The following KYNU variants were observed in gnomAD, a reference collection of about 807,000 sequenced individuals.
KYNU encodes kynureninase.
KYNU carries 54 observed loss-of-function variants against 59.2 expected under a neutral mutation model. The observed-to-expected ratio is 0.91, with a 90% confidence interval of 0.73 to 1.14. KYNU has a LOEUF of 1.14. KYNU is among the 50% of genes most tolerant of loss of function. The pLI, the probability that KYNU is intolerant of heterozygous loss-of-function variation, is 0.00. For synonymous variants in KYNU, 177 were observed against 192.0 expected, an observed-to-expected ratio of 0.92 and a Z score of 0.65; for missense variants, 567 against 554.4, an observed-to-expected ratio of 1.02 and a Z score of -0.23.
chr2:142,927,687 C>T lies in KYNU; in HGVS notation c.319C>T (p.Arg107Cys), dbSNP rs373416306. ...AGCCTATGGTCATGAAGTGGGGAAG[C>T]GTCCTTGGATTACAGGAGATGAGAG... Reference protein sequence around the residue: ...IAAYGHEVGKRPWITGDESIV... With the variant: ...IAAYGHEVGKCPWITGDESIV... The change falls in exon 4 of 14, where the codon CGT becomes TGT. Residue 107 changes from arginine to cysteine, a missense_variant. By Grantham distance (180) the Arg-to-Cys change is radical (BLOSUM62 -3). Transcript: ENST00000264170. 6.2e-6 allele frequency: 10 copies of T among 1,613,110 alleles called. No individual in the cohort carries two copies. The highest frequency in any genetic ancestry group is 1.3e-5 in the African/African-American group (1 of 74,872).
chr2:143,043,043 A>G lies in KYNU; in HGVS notation c.*871A>G, dbSNP rs150917323. 2.0e-5 allele frequency: 3 copies of G among 151,942 alleles called. No individual in the cohort carries two copies. The highest frequency in any genetic ancestry group is 4.4e-5 in the Non-Finnish European group (3 of 67,916). The allele number at this position is 151,942 out of a possible 1,614,324, so 9.4% of individuals were successfully genotyped here. On this transcript the variant is annotated 3_prime_UTR_variant, in exon 14 of 14. Coordinates refer to ENST00000264170, the MANE Select transcript of KYNU (RefSeq NM_003937.3). The stretch of plus-strand genomic sequence containing the variant: ...ATAAGAAATGTTGGAAACTCATTAT[A>G]TTGATTTCCTTACCCACTCATGGGC...
intron 10 of KYNU, among the ~76,000 whole-genome samples, chr2:143,005,530 C>T (rs1475807823): frequency 6.6e-6 from 1 of 151,840 alleles, no homozygotes; most frequent in Non-Finnish European, 1.5e-5. Context: ...AAGAAAGGCT[C>T]AGTCATATGT....
intron 10 of KYNU, among the ~76,000 whole-genome samples, chr2:142,995,912 A>T (rs574296614): frequency 1.3e-5 from 2 of 151,974 alleles, no homozygotes; most frequent in South Asian, 2.1e-4. Flanking sequence ...TCTGATTGTC[A>T]TTTTATAGGC....
At chr2:142,897,229 T>C (rs1391460851) in intron 2 of KYNU, among the ~76,000 whole-genome samples, 1 of 152,232 alleles carries the variant, frequency 6.6e-6, no homozygotes, top group Admixed American at 6.5e-5. Context: ...TGGAGTGTTC[T>C]TTAAAAGCCA....
At chr2:142,968,274 CA>C (rs1684608886) in intron 8 of KYNU, among the ~76,000 whole-genome samples, 1 of 152,078 alleles carries the variant, frequency 6.6e-6, no homozygotes, top group Non-Finnish European at 1.5e-5. Context: ...AGATCTGAGC[CA>C]ATTATAGAAT....
At position 142,981,285 on chromosome 2, in the gene KYNU, T is replaced by G. The variant is rs183083450; in HGVS notation, c.730-3799T>G. ...TGCTTTTTCTATTTCTTGAGTTTTC[T>G]TAGAAAAATTGAGTTGTAAAAACAA... On this transcript the variant is annotated intron_variant, in intron 8 of 13. Coordinates refer to ENST00000264170, the MANE Select transcript of KYNU (RefSeq NM_003937.3). Among the ~76,000 whole-genome samples, 211 of 152,248 alleles carry G rather than the reference T, an allele frequency of 1.4e-3. 1 individual carries two copies. The highest frequency in any genetic ancestry group is 2.5e-3 in the Non-Finnish European group (173 of 67,994).
In KYNU at chr2:142,927,755, A is replaced by G; in HGVS notation, c.373+14A>G. 6.4e-7 allele frequency: 1 copy of G among 1,558,438 alleles called. No individual in the cohort carries two copies. Among genetic ancestry groups the G allele is most frequent in the Non-Finnish European group, 8.9e-7 (1 of 1,129,472 alleles). Reference sequence around the variant, plus strand: ...AGGACATTGTAGGTAAGTACAAAACACTGAAGTTTTTCCAAATGAATTGTA... The same window carrying G: ...AGGACATTGTAGGTAAGTACAAAACGCTGAAGTTTTTCCAAATGAATTGTA... On this transcript the variant is annotated intron_variant, in intron 4 of 13. Coordinates refer to ENST00000264170, the MANE Select transcript of KYNU (RefSeq NM_003937.3).
At chr2:142,973,320 A>G (rs1684788475) in intron 8 of KYNU, among the ~76,000 whole-genome samples, 1 of 152,140 alleles carries the variant, frequency 6.6e-6, no homozygotes, top group Admixed American at 6.5e-5. Flanking sequence ...GGCATAGCCT[A>G]AATGTCAATA....
chr2:142,933,864 G>A (rs558005898), intron 4 of KYNU, among the ~76,000 whole-genome samples: 63 of 152,212 alleles, frequency 4.1e-4, no homozygotes, highest in Admixed American at 7.2e-4. Context: ...TGATGTGAAA[G>A]TTTGGAGTTG....
At chr2:142,930,571 T>C (rs895469857) in intron 4 of KYNU, among the ~76,000 whole-genome samples, 1 of 152,178 alleles carries the variant, frequency 6.6e-6, no homozygotes, top group Non-Finnish European at 1.5e-5. Context: ...TCCTCCTGGC[T>C]TCTCCTCTTG....
At position 143,054,276 on chromosome 2, in the gene KYNU, T is replaced by G. The variant is rs1687315880; in HGVS notation, c.*12104T>G. 1 of 144,490 alleles carries G rather than the reference T, an allele frequency of 6.9e-6. No individual in the cohort carries two copies. The highest frequency in any genetic ancestry group is 2.9e-5 in the African/African-American group (1 of 34,682). 9.0% of individuals were successfully genotyped at this position (144,490 alleles called of 1,614,324 possible). On this transcript the variant is annotated 3_prime_UTR_variant, in exon 14 of 14. Transcript: ENST00000264170. ...AGTTTCACTTTATCTTTCTATTACT[T>G]TTTTTACATAATAGAGCTATAAAGG...
chr2:142,957,422 A>G (rs1324104498), intron 6 of KYNU, among the ~76,000 whole-genome samples: 1 of 152,156 alleles, frequency 6.6e-6, no homozygotes, highest in East Asian at 1.9e-4. Context: ...TAAGTCAAGG[A>G]GATCCCTCTG....
At chr2:143,006,075 G>C (rs1331524618) in intron 10 of KYNU, among the ~76,000 whole-genome samples, 1 of 152,174 alleles carries the variant, frequency 6.6e-6, no homozygotes, top group Non-Finnish European at 1.5e-5. Flanking sequence ...AATAGGAACA[G>C]CTCCGGTCTA....
intron 4 of KYNU, among the ~76,000 whole-genome samples, chr2:142,953,653 C>T (rs1684068803): frequency 6.6e-6 from 1 of 151,964 alleles, no homozygotes; most frequent in South Asian, 2.1e-4. Flanking sequence ...TCTTACTGCC[C>T]CTTGACGTTA....
At chr2:143,024,011 GA>G (rs1379659337) in intron 10 of KYNU, among the ~76,000 whole-genome samples, 2 of 150,542 alleles carry the variant, frequency 1.3e-5, no homozygotes, top group South Asian at 2.1e-4. Flanking sequence ...AAATAACTCA[GA>G]AAAAAATTGA....
intron 2 of KYNU, among the ~76,000 whole-genome samples, chr2:142,897,905 T>C (rs1681936868): frequency 6.6e-6 from 1 of 152,190 alleles, no homozygotes; most frequent in Non-Finnish European, 1.5e-5. Flanking sequence ...TCTTCATTTA[T>C]TTATTTATTT....
At chr2:143,015,059 A>AT (rs1686210625) in intron 10 of KYNU, among the ~76,000 whole-genome samples, 2 of 152,018 alleles carry the variant, frequency 1.3e-5, no homozygotes, top group Admixed American at 6.5e-5. Context: ...ATGCCTTGCT[A>AT]TTTTTTTGTT....
chr2:142,948,404 G>A (rs573699612), intron 4 of KYNU, among the ~76,000 whole-genome samples: 2 of 152,284 alleles, frequency 1.3e-5, no homozygotes, highest in East Asian at 1.9e-4. Flanking sequence ...AATAAAGCTT[G>A]TATTAGTCTG....
At chr2:142,980,303 A>C (rs750460892) in intron 8 of KYNU, among the ~76,000 whole-genome samples, 4 of 145,344 alleles carry the variant, frequency 2.8e-5, no homozygotes, top group Admixed American at 1.4e-4. Flanking sequence ...TCTTGTCATC[A>C]TCTTGGTTTT....
Sources: allele counts gnomAD v4.1 joint callset (sites outside exome capture counted in the v4.1 genomes callset), GRCh38; gene constraint gnomAD v4.1.1; transcripts MANE v1.5; gene names NCBI Gene and HGNC (gene_info 2026-07-23, HGNC 2026-07-21).